The following SPRYD4 variants were observed in gnomAD, a reference collection of about 807,000 sequenced individuals.
SPRYD4 encodes SPRY domain containing 4, also known as SPRY domain-containing protein 4.
In SPRYD4, 12 loss-of-function variants were observed where a neutral mutation model predicts 16.6. The ratio of observed to expected loss-of-function variants is 0.72; its 90% CI spans 0.46 to 1.17. The LOEUF is 1.17. SPRYD4 is among the 50% of genes most tolerant of loss of function. The pLI is 0.00. For missense variants in SPRYD4, 260 were observed against 260.2 expected (o/e 1.00, Z 0.00); for synonymous variants, 98 against 105.4 (o/e 0.93, Z 0.43).
Position 56,472,531 on chromosome 12 carries a change from T to TA in SPRYD4, c.*2962dup, listed in dbSNP as rs200578396. On this transcript the variant is annotated 3_prime_UTR_variant, in exon 2 of 2. Transcript: ENST00000338146. ...CATAGAGCAGACAGTTTACTTTTTTTAAAAAAAATCTCCTTTTTTAAAAAA... is the reference window on the plus strand; with the variant it reads ...CATAGAGCAGACAGTTTACTTTTTTTAAAAAAAAATCTCCTTTTTTAAAAAA... 1.9e-3 allele frequency: 1,266 copies of TA among 662,094 alleles called. 11 individuals carry two copies. The African/African-American group carries it at 0.019, about 10-fold the overall frequency. The allele number at this position is 662,094 out of a possible 1,614,324, so 41.0% of individuals were successfully genotyped here.
Position 56,473,361 on chromosome 12 carries a change from C to T in SPRYD4, c.*3784C>T, listed in dbSNP as rs561053039. ...AAATATATTGTTTATTTACTCCTTA[C>T]ACTTAGTAGGAGCTCAAAATTGCTT... On this transcript the variant is annotated 3_prime_UTR_variant, in exon 2 of 2. Coordinates refer to ENST00000338146, the MANE Select transcript of SPRYD4 (RefSeq NM_207344.4). 3 of 1,609,268 alleles carry T rather than the reference C, an allele frequency of 1.9e-6. No homozygotes were observed. Among genetic ancestry groups the T allele is most frequent in the Admixed American group, 1.7e-5 (1 of 59,404 alleles).
Position 56,477,508 on chromosome 12 carries a change from G to A in SPRYD4, c.*7931G>A, listed in dbSNP as rs1014732695. The A allele has an allele frequency of 1.4e-5, 10 of 696,896 alleles. No homozygotes were observed. The African/African-American group carries it at 1.6e-4, about 11-fold the overall frequency. The allele number at this position is 696,896 out of a possible 1,614,324, so 43.2% of individuals were successfully genotyped here. On this transcript the variant is annotated 3_prime_UTR_variant, in exon 2 of 2. Transcript: ENST00000338146. ...TATACTGACATTGTCAGCATAACAT[G>A]TGGGTCCCTGCTGTGCCTCATGTGC...
rs1186834253 is a variant in SPRYD4, at chr12:56,474,370, C to T, written c.*4793C>T. ...TCCCAAAGACATCTCTTTATATATT[C>T]GAGGAACTTGGTGTTTTTGAGAAAC... On this transcript the variant is annotated 3_prime_UTR_variant, in exon 2 of 2. Coordinates refer to ENST00000338146, the MANE Select transcript of SPRYD4 (RefSeq NM_207344.4). The T allele has an allele frequency of 8.1e-6, 6 of 743,974 alleles. No individual in the cohort carries two copies. The East Asian group carries it at 1.1e-4, about 13-fold the overall frequency. 46.1% of individuals were successfully genotyped at this position (743,974 alleles called of 1,614,324 possible). A position where few individuals can be genotyped will look rare whatever the true frequency, so the allele number is the denominator to read the frequency against.
Position 56,478,005 on chromosome 12 carries a change from C to T in SPRYD4, c.*8428C>T. On this transcript the variant is annotated 3_prime_UTR_variant, in exon 2 of 2. Coordinates refer to ENST00000338146, the MANE Select transcript of SPRYD4 (RefSeq NM_207344.4). Reference sequence around the variant, plus strand: ...TTGCCCACAAACTTGTGCACGTAGTCAGTGCCTAGGGTGCTTATGGAGATG... The same window carrying T: ...TTGCCCACAAACTTGTGCACGTAGTTAGTGCCTAGGGTGCTTATGGAGATG... 6.2e-7 allele frequency: 1 copy of T among 1,614,228 alleles called. No homozygotes were observed. The highest frequency in any genetic ancestry group is 8.5e-7 in the Non-Finnish European group (1 of 1,180,040).
chr12:56,479,298 G>T lies in SPRYD4; in HGVS notation c.*9721G>T. On this transcript the variant is annotated 3_prime_UTR_variant, in exon 2 of 2. Coordinates refer to ENST00000338146, the MANE Select transcript of SPRYD4 (RefSeq NM_207344.4). ...GTGGTCTTCAGGTTTGGGATCAACAGCTCTGTTACCTTTGGCAAATCAGTT... is the reference window on the plus strand; with the variant it reads ...GTGGTCTTCAGGTTTGGGATCAACATCTCTGTTACCTTTGGCAAATCAGTT... 1 of 1,310,800 alleles carries T rather than the reference G, an allele frequency of 7.6e-7. No homozygotes were observed. Among genetic ancestry groups the T allele is most frequent in the Non-Finnish European group, 1.0e-6 (1 of 976,848 alleles). The allele number at this position is 1,310,800 out of a possible 1,614,324, so 81.2% of individuals were successfully genotyped here. A position where few individuals can be genotyped will look rare whatever the true frequency, so the allele number is the denominator to read the frequency against.
In SPRYD4 at chr12:56,469,497, G is replaced by A. The variant is rs1171692994; in HGVS notation, c.544G>A (p.Gly182Ser). Residue 182 changes from glycine to serine, a missense_variant, in exon 2 of 2, where the codon GGT (glycine) becomes AGT (serine). Physicochemically the swap from Gly to Ser is moderately conservative, Grantham distance 56. Coordinates refer to ENST00000338146, the MANE Select transcript of SPRYD4 (RefSeq NM_207344.4). ...TCACACGCTACAGACAGATTTCCGG[G>A]GTCCAGTGGTGCCTGCCTTTGCTCT... The part of the protein sequence containing the change: ...VVHTLQTDFR[G>S]PVVPAFALWD... 3.1e-6 allele frequency: 5 copies of A among 1,614,106 alleles called. No individual in the cohort carries two copies. Among genetic ancestry groups the A allele is most frequent in the African/African-American group, 1.3e-5 (1 of 75,002 alleles).
At position 56,472,922 on chromosome 12, in the gene SPRYD4, C is replaced by CT. The variant is rs1869431146; in HGVS notation, c.*3346dup. ...TTTTTTTTTGAGACGGAGTCTCGCT[C>CT]TGTCGTTCAGGCTGAAGTGTAGTGG... is the stretch of plus-strand genomic sequence containing the variant. On this transcript the variant is annotated 3_prime_UTR_variant, in exon 2 of 2. Coordinates refer to ENST00000338146, the MANE Select transcript of SPRYD4 (RefSeq NM_207344.4). The CT allele has an allele frequency of 3.4e-6, 2 of 585,726 alleles. No individual in the cohort carries two copies. The highest frequency in any genetic ancestry group is 5.8e-6 in the Non-Finnish European group (2 of 344,360). The allele number at this position is 585,726 out of a possible 1,614,324, so 36.3% of individuals were successfully genotyped here.
At position 56,469,639 on chromosome 12, in the gene SPRYD4, A is replaced by G. The variant is rs1321290298; in HGVS notation, c.*62A>G. On this transcript the variant is annotated 3_prime_UTR_variant, in exon 2 of 2. Coordinates refer to ENST00000338146, the MANE Select transcript of SPRYD4 (RefSeq NM_207344.4). Reference sequence around the variant, plus strand: ...CCAGCCTCCTTTTGAAAGTGTCCGAAGCCTTTTTACTTTGCCTCAAGCAAC... The same window carrying G: ...CCAGCCTCCTTTTGAAAGTGTCCGAGGCCTTTTTACTTTGCCTCAAGCAAC... 4.7e-6 allele frequency: 7 copies of G among 1,503,552 alleles called. No individual in the cohort carries two copies. In the African/African-American group the frequency reaches 8.4e-5, roughly 18 times the overall value. The allele number at this position is 1,503,552 out of a possible 1,614,324, so 93.1% of individuals were successfully genotyped here.
chr12:56,477,797 CAAGA>C lies in SPRYD4; in HGVS notation c.*8225_*8228del. On this transcript the variant is annotated 3_prime_UTR_variant, in exon 2 of 2. Coordinates refer to ENST00000338146, the MANE Select transcript of SPRYD4 (RefSeq NM_207344.4). Reference sequence around the variant, plus strand: ...CAGCCCGCTCACTTTGTGGGTTAGACAAGAAAGACTGCTAGGGAGAAAGGCATGA... The same window carrying C: ...CAGCCCGCTCACTTTGTGGGTTAGACAAGACTGCTAGGGAGAAAGGCATGA... 6.4e-7 allele frequency: 1 copy of C among 1,552,738 alleles called. No homozygotes were observed. The highest frequency in any genetic ancestry group is 8.8e-7 in the Non-Finnish European group (1 of 1,139,810).
chr12:56,472,961 C>T lies in SPRYD4; in HGVS notation c.*3384C>T. On this transcript the variant is annotated 3_prime_UTR_variant, in exon 2 of 2. Coordinates refer to ENST00000338146, the MANE Select transcript of SPRYD4 (RefSeq NM_207344.4). Reference sequence around the variant, plus strand: ...GAAGTGTAGTGGCGCGCGGTCTTGGCTCACTGCAACCTCTGCCTCCCGGTT... The same window carrying T: ...GAAGTGTAGTGGCGCGCGGTCTTGGTTCACTGCAACCTCTGCCTCCCGGTT... 1.8e-6 allele frequency: 1 copy of T among 571,060 alleles called. No individual in the cohort carries two copies. Among genetic ancestry groups the T allele is most frequent in the South Asian group, 2.1e-5 (1 of 47,646 alleles). The allele number at this position is 571,060 out of a possible 1,614,324, so 35.4% of individuals were successfully genotyped here.
rs1869348358 is a variant in SPRYD4, at chr12:56,472,234, A to G, written c.*2657A>G. 1 of 1,581,092 alleles carries G rather than the reference A, an allele frequency of 6.3e-7. No individual in the cohort carries two copies. The highest frequency in any genetic ancestry group is 1.3e-5 in the African/African-American group (1 of 74,204). On this transcript the variant is annotated 3_prime_UTR_variant, in exon 2 of 2. Coordinates refer to ENST00000338146, the MANE Select transcript of SPRYD4 (RefSeq NM_207344.4). ...GAAAGCAGCTAGAGTTGCCTAGATCAGACTGGAATCACAGGTGTTCTTTGT... is the reference window on the plus strand; with the variant it reads ...GAAAGCAGCTAGAGTTGCCTAGATCGGACTGGAATCACAGGTGTTCTTTGT...
In SPRYD4 at chr12:56,469,349, C is replaced by T; in HGVS notation, c.396C>T (p.Tyr132=). 1 of 1,614,150 alleles carries T rather than the reference C, an allele frequency of 6.2e-7. No homozygotes were observed. Among genetic ancestry groups the T allele is most frequent in the Non-Finnish European group, 8.5e-7 (1 of 1,180,032 alleles). ...WVFTYAQRKW[Y]TMLANEKAPV... Reference sequence around the variant, plus strand: ...TCACCTATGCCCAGCGCAAGTGGTACACCATGTTGGCCAACGAGAAAGCCC... The same window carrying T: ...TCACCTATGCCCAGCGCAAGTGGTATACCATGTTGGCCAACGAGAAAGCCC... The change falls in exon 2 of 2, where the codon TAC becomes TAT. Residue 132 remains tyrosine (Y), a synonymous_variant. Transcript: ENST00000338146.
At position 56,471,924 on chromosome 12, in the gene SPRYD4, G is replaced by A. The variant is rs575726461; in HGVS notation, c.*2347G>A. On this transcript the variant is annotated 3_prime_UTR_variant, in exon 2 of 2. Transcript: ENST00000338146. Reference sequence around the variant, plus strand: ...TTAGCCACTGAAGTCTTTACCAAGAGGGGAGGGGAAAAGGCCTCTTCCCAT... The same window carrying A: ...TTAGCCACTGAAGTCTTTACCAAGAAGGGAGGGGAAAAGGCCTCTTCCCAT... 2.7e-3 allele frequency: 3,855 copies of A among 1,438,058 alleles called. 6 individuals are homozygous for A. The highest frequency in any genetic ancestry group is 3.5e-3 in the Middle Eastern group (15 of 4,240). The allele number at this position is 1,438,058 out of a possible 1,614,324, so 89.1% of individuals were successfully genotyped here. A position where few individuals can be genotyped will look rare whatever the true frequency, so the allele number is the denominator to read the frequency against.
In SPRYD4 at chr12:56,471,693, G is replaced by C. The variant is rs1869278609; in HGVS notation, c.*2116G>C. 5.0e-6 allele frequency: 8 copies of C among 1,612,218 alleles called. No individual in the cohort carries two copies. Among genetic ancestry groups the C allele is most frequent in the Non-Finnish European group, 5.9e-6 (7 of 1,178,270 alleles). Reference sequence around the variant, plus strand: ...GGCAAAGGAGACGTGGAGAGTGGTGGTTGTATATATTTGCATGGTGGCTGG... The same window carrying C: ...GGCAAAGGAGACGTGGAGAGTGGTGCTTGTATATATTTGCATGGTGGCTGG... On this transcript the variant is annotated 3_prime_UTR_variant, in exon 2 of 2. Coordinates refer to ENST00000338146, the MANE Select transcript of SPRYD4 (RefSeq NM_207344.4).
chr12:56,475,586 C>G lies in SPRYD4; in HGVS notation c.*6009C>G, dbSNP rs919455184. 4 of 1,600,328 alleles carry G rather than the reference C, an allele frequency of 2.5e-6. No homozygotes were observed. The African/African-American group carries it at 5.4e-5, about 21-fold the overall frequency. ...CCATCCTAAGTACACACACATACAC[C>G]ACAATGCTTTCAGTCAGTCCTCTGA... On this transcript the variant is annotated 3_prime_UTR_variant, in exon 2 of 2. Transcript: ENST00000338146.
chr12:56,469,320 G>C lies in SPRYD4; in HGVS notation c.367G>C (p.Val123Leu). 1 of 1,614,216 alleles carries C rather than the reference G, an allele frequency of 6.2e-7. No individual in the cohort carries two copies. The highest frequency in any genetic ancestry group is 8.5e-7 in the Non-Finnish European group (1 of 1,180,036). The change falls in exon 2 of 2, where the codon GTG becomes CTG. Residue 123 changes from valine (V) to leucine (L), a missense_variant. Transcript: ENST00000338146. ...SCIGVDDRSW[V>L]FTYAQRKWYT... The stretch of plus-strand genomic sequence containing the variant: ...CATTGGTGTTGATGATCGTTCCTGG[G>C]TGTTCACCTATGCCCAGCGCAAGTG...
At position 56,475,653 on chromosome 12, in the gene SPRYD4, C is replaced by G. The variant is rs749734713; in HGVS notation, c.*6076C>G. 6.2e-7 allele frequency: 1 copy of G among 1,614,214 alleles called. No homozygotes were observed. Among genetic ancestry groups the G allele is most frequent in the Non-Finnish European group, 8.5e-7 (1 of 1,180,050 alleles). On this transcript the variant is annotated 3_prime_UTR_variant, in exon 2 of 2. Transcript: ENST00000338146. ...CATTGCTGAAACCCATGTATTCATT[C>G]CCAGCCATTTTGTTGAGATACTGCA...
rs998308682 is a variant in SPRYD4, at chr12:56,473,110, T to C, written c.*3533T>C. 72 of 897,838 alleles carry C rather than the reference T, an allele frequency of 8.0e-5. No homozygotes were observed. In the East Asian group the frequency reaches 1.7e-3, roughly 21 times the overall value. The allele number at this position is 897,838 out of a possible 1,614,324, so 55.6% of individuals were successfully genotyped here. A position where few individuals can be genotyped will look rare whatever the true frequency, so the allele number is the denominator to read the frequency against. On this transcript the variant is annotated 3_prime_UTR_variant, in exon 2 of 2. Transcript: ENST00000338146. ...TTCACCGTGTTAGCCAGGATGGTCT[T>C]GATCTCCTGACCTTGTGATCCGCCC...
Position 56,475,671 on chromosome 12 carries a change from A to ATAC in SPRYD4, c.*6096_*6098dup. On this transcript the variant is annotated 3_prime_UTR_variant, in exon 2 of 2. Transcript: ENST00000338146. ...ATTCATTCCCAGCCATTTTGTTGAG[A>ATAC]TACTGCAACACCTGGAAGAGAAAAA... The ATAC allele has an allele frequency of 6.2e-7, 1 of 1,614,184 alleles. No homozygotes were observed. The highest frequency in any genetic ancestry group is 8.5e-7 in the Non-Finnish European group (1 of 1,180,044).
Sources: gnomAD v4.1 joint callset for allele counts on GRCh38, gnomAD v4.1.1 for gene constraint, MANE v1.5 for transcripts, NCBI Gene and HGNC (gene_info 2026-07-23, HGNC 2026-07-21) for gene names.